Variants in KCNIP2 observed in about 807,000 individuals in gnomAD.
KCNIP2 encodes potassium voltage-gated channel interacting protein 2, also known as A-type potassium channel modulatory protein KCNIP2.
A neutral mutation model predicts 39.0 loss-of-function variants in KCNIP2; 19 were observed. That is an observed-to-expected ratio of 0.49 (90% CI 0.34 to 0.71). The LOEUF is 0.71. Ranked by LOEUF, KCNIP2 falls within the 30% of genes least tolerant of loss-of-function variation. KCNIP2 has a pLI of 0.01. For synonymous variants in KCNIP2, 111 were observed against 131.2 expected (o/e 0.85, Z 1.05); for missense variants, 261 against 346.0 (o/e 0.75, Z 1.95).
At chr10:101,839,916 AGGCCCGCGTGGGCGGCGCGGGAG>A in intron 1 of KCNIP2, 1 of 1,435,892 alleles carries the variant, frequency 7.0e-7, no homozygotes, top group Non-Finnish European at 9.3e-7. Context: ...TCACCCGGGT[AGGCCCGCGTGGGCGGCGCGGGAG>A]GGCCGGCCCG....
Position 101,843,497 on chromosome 10 carries a change from C to A in KCNIP2, c.72G>T (p.Thr24=). ...GCGACCCCCACGTCACTGACTCACC[C>A]GTGAGCTGGTCGTAGGAGCCGTCCA... ...RDLDGSYDQL[T]GHPPGPTKKA... is the part of the protein sequence containing the mutation. Residue 24 remains threonine, a splice_region_variant and synonymous_variant, in exon 1 of 10, where the codon ACG becomes ACT. Transcript: ENST00000356640. This position sits in a 1 kb window ranked among gnomAD's most constrained non-coding sequence, Gnocchi z 6.7. The A allele has an allele frequency of 1.3e-6, 2 of 1,576,060 alleles. No homozygotes were observed. The highest frequency in any genetic ancestry group is 2.3e-5 in the South Asian group (2 of 85,778).
intron 1 of KCNIP2, among the ~76,000 whole-genome samples, chr10:101,837,894 C>G (rs1807326384): frequency 6.6e-6 from 1 of 152,202 alleles, no homozygotes; most frequent in Admixed American, 6.5e-5. Context: ...ACAACAGCCC[C>G]TTCTTGCTCC....
chr10:101,841,368 G>T (rs1302425860), intron 1 of KCNIP2, among the ~76,000 whole-genome samples: 1 of 152,206 alleles, frequency 6.6e-6, no homozygotes, highest in African/African-American at 2.4e-5. Flanking sequence ...CTTCAGCTTA[G>T]GCATCTCTCA....
At chr10:101,839,235 T>C (rs2066247834) in intron 1 of KCNIP2, among the ~76,000 whole-genome samples, 1 of 152,150 alleles carries the variant, frequency 6.6e-6, no homozygotes, top group Non-Finnish European at 1.5e-5. Context: ...AACAGAGACA[T>C]ACAATCCTTA....
In KCNIP2 at chr10:101,830,339, A is replaced by G. The variant is rs1390455561; in HGVS notation, c.170-442T>C. On this transcript the variant is annotated intron_variant, in intron 2 of 9. Transcript: ENST00000356640. ...GGCGCCATCCTCTACACCTGTCACC[A>G]TCCTGTCGGGGCATAGGCAACACAC... The G allele has an allele frequency of 5.9e-6, 7 of 1,184,104 alleles. No individual in the cohort carries two copies. In the African/African-American group the frequency reaches 1.1e-4, roughly 19 times the overall value. The allele number at this position is 1,184,104 out of a possible 1,614,324, so 73.3% of individuals were successfully genotyped here.
chr10:101,827,616 AG>A, intron 9 of KCNIP2, 72 bp downstream of exon 9: 1 of 1,546,424 alleles, frequency 6.5e-7, no homozygotes, highest in Non-Finnish European at 8.9e-7. Flanking sequence ...TTCTTCCCAA[AG>A]AAGCTTTTCC....
At chr10:101,841,611 T>C (rs897773961) in intron 1 of KCNIP2, among the ~76,000 whole-genome samples, 3 of 152,186 alleles carry the variant, frequency 2.0e-5, no homozygotes, top group East Asian at 1.9e-4. Flanking sequence ...CCTTGGGAGG[T>C]AGGCAGGCAG....
At chr10:101,834,124 C>T (rs1338315405) in intron 1 of KCNIP2, 4 of 396,624 alleles carry the variant, frequency 1.0e-5, no homozygotes, top group Non-Finnish European at 1.8e-5. Context: ...CCAAGCACCC[C>T]TACTCACCTC....
rs567057525 is a variant in KCNIP2 at position 101,840,872 on chromosome 10, C to G, written c.73+2624G>C. On this transcript the variant is annotated intron_variant, in intron 1 of 9. Coordinates refer to ENST00000356640, the MANE Select transcript of KCNIP2 (RefSeq NM_173191.3). ...GCGCCCCCGCCCCGGCAACAATACTCAGGGCCGGAGGGACTCCACTGAGAT... is the reference window on the plus strand; with the variant it reads ...GCGCCCCCGCCCCGGCAACAATACTGAGGGCCGGAGGGACTCCACTGAGAT... Among the ~76,000 whole-genome samples, 4 of 152,350 alleles carry G rather than the reference C, an allele frequency of 2.6e-5. No individual in the cohort carries two copies. In the East Asian group the frequency reaches 7.8e-4, roughly 30 times the overall value.
At chr10:101,839,743 C>G (rs775164990) in intron 1 of KCNIP2, 1 of 1,612,418 alleles carries the variant, frequency 6.2e-7, no homozygotes, top group South Asian at 1.1e-5. Context: ...CCTTCCCTTC[C>G]TCATCATACC....
intron 1 of KCNIP2, chr10:101,839,710 C>A (rs776925010): frequency 6.3e-7 from 1 of 1,595,158 alleles, no homozygotes; most frequent in East Asian, 2.2e-5. Flanking sequence ...ACTTCGCTCA[C>A]TTTTTGAAGG....
In KCNIP2 at chr10:101,828,074, C is replaced by T; in HGVS notation, c.597+77G>A. On this transcript the variant is annotated intron_variant, in intron 7 of 9. Coordinates refer to ENST00000356640, the MANE Select transcript of KCNIP2 (RefSeq NM_173191.3). This position sits in a 1 kb window ranked among gnomAD's most constrained non-coding sequence, Gnocchi z 6.6. ...CCCTTGCTTGTGGGCATATGTGGGT[C>T]ATATTTCCCTCCCATCACCCTCTGC... 1 of 1,541,754 alleles carries T rather than the reference C, an allele frequency of 6.5e-7. No homozygotes were observed. The highest frequency in any genetic ancestry group is 9.0e-7 in the Non-Finnish European group (1 of 1,114,396).
At chr10:101,827,511 G>A (rs1400852670) in intron 9 of KCNIP2, 111 bp from the exon 10 acceptor site, 6 of 1,346,326 alleles carry the variant, frequency 4.5e-6, no homozygotes, top group Non-Finnish European at 5.3e-6. Context: ...AAAGCACAGA[G>A]GAAGGAGATG....
chr10:101,827,205 G>T lies in KCNIP2; in HGVS notation c.*148C>A. ...CTGGCCCCTTCAGCTCCAGAGATCT[G>T]GACTACTGAATCCCCAAGCTCTTGG... On this transcript the variant is annotated 3_prime_UTR_variant, in exon 10 of 10. Coordinates refer to ENST00000356640, the MANE Select transcript of KCNIP2 (RefSeq NM_173191.3). The T allele has an allele frequency of 7.3e-7, 1 of 1,365,478 alleles. No individual in the cohort carries two copies. Among genetic ancestry groups the T allele is most frequent in the Non-Finnish European group, 9.5e-7 (1 of 1,057,184 alleles). 84.6% of individuals were successfully genotyped at this position (1,365,478 alleles called of 1,614,324 possible).
Position 101,828,606 on chromosome 10 carries a change from C to T in KCNIP2, c.418+21G>A. On this transcript the variant is annotated intron_variant, in intron 5 of 9. Transcript: ENST00000356640. This position sits in a 1 kb window ranked among gnomAD's most constrained non-coding sequence, Gnocchi z 6.6. ...AGCCTAGAGAAGGACAACTGCTTCC[C>T]CTTGGGCCTTGTCCCCTCACCTCCT... The T allele has an allele frequency of 6.2e-7, 1 of 1,611,826 alleles. No individual in the cohort carries two copies. The highest frequency in any genetic ancestry group is 1.1e-5 in the South Asian group (1 of 91,002).
rs758246769 is a variant in KCNIP2, at chr10:101,828,592, G to T, written c.418+35C>A. ...TCCCTCCCTCCCTCAGCCTAGAGAA[G>T]GACAACTGCTTCCCCTTGGGCCTTG... On this transcript the variant is annotated intron_variant, in intron 5 of 9. Transcript: ENST00000356640. The surrounding 1 kb of genome is among the most constrained non-coding windows in gnomAD (Gnocchi z 6.6). 8.7e-6 allele frequency: 14 copies of T among 1,608,504 alleles called. No homozygotes were observed. The highest frequency in any genetic ancestry group is 1.2e-5 in the Non-Finnish European group (14 of 1,175,190).
intron 3 of KCNIP2, chr10:101,829,478 G>A (rs2065882478): frequency 4.1e-6 from 2 of 486,036 alleles, no homozygotes; most frequent in Non-Finnish European, 7.2e-6. Context: ...TGGAGGGGAA[G>A]GCCCCCAGCC....
chr10:101,827,435 G>A, intron 9 of KCNIP2, 35 bp from the exon 10 acceptor site: 1 of 1,586,820 alleles, frequency 6.3e-7, no homozygotes, highest in Non-Finnish European at 8.6e-7. Context: ...AGATTGAAGA[G>A]AGAGAAAGAG....
Position 101,827,127 on chromosome 10 carries a change from G to A in KCNIP2, c.*226C>T. 1.8e-6 allele frequency: 2 copies of A among 1,087,226 alleles called. No individual in the cohort carries two copies. Among genetic ancestry groups the A allele is most frequent in the Non-Finnish European group, 2.4e-6 (2 of 843,138 alleles). 67.3% of individuals were successfully genotyped at this position (1,087,226 alleles called of 1,614,324 possible). A position where few individuals can be genotyped will look rare whatever the true frequency, so the allele number is the denominator to read the frequency against. On this transcript the variant is annotated 3_prime_UTR_variant, in exon 10 of 10. Transcript: ENST00000356640. ...ACACTGGGTGTCAGGCAGGAAGGGG[G>A]TGAGAGCTGGTGGGAGTTGGGAACA...
Sources: gnomAD v4.1 joint callset for allele counts (sites outside exome capture counted in the v4.1 genomes callset) on GRCh38, gnomAD v4.1.1 for gene constraint, Gnocchi (gnomAD v3.1) non-coding constraint, MANE v1.5 for transcripts, NCBI Gene and HGNC (gene_info 2026-07-23, HGNC 2026-07-21) for gene names.